Variants in RPS6KC1 observed in about 807,000 individuals in gnomAD.
The protein encoded by RPS6KC1 is ribosomal protein S6 kinase C1.
In RPS6KC1, 54 loss-of-function variants were observed where a neutral mutation model predicts 103.8. That is an observed-to-expected ratio of 0.52 (90% CI 0.42 to 0.65). RPS6KC1 has a LOEUF of 0.65. Ranked by LOEUF, RPS6KC1 falls within the 30% of genes least tolerant of loss-of-function variation. RPS6KC1 has a pLI of 0.00. For missense variants in RPS6KC1, 1,151 were observed against 1,253.8 expected (o/e 0.92, Z 1.24); for synonymous variants, 439 against 438.7 (o/e 1.00, Z -0.01).
At chr1:213,491,669 G>A in the RPS6KC1 span, among the ~76,000 whole-genome samples, 1 of 152,186 alleles carries the variant, frequency 6.6e-6, no homozygotes, top group African/African-American at 2.4e-5. Context: ...CTGTTAGTAG[G>A]GTAAATGCAG....
chr1:213,519,724 A>AT, the RPS6KC1 span, among the ~76,000 whole-genome samples: 3 of 152,120 alleles, frequency 2.0e-5, no homozygotes, highest in South Asian at 2.1e-4. Flanking sequence ...CACAGTCACC[A>AT]TTTTTCAGCA....
At chr1:213,468,123 C>T in the RPS6KC1 span, among the ~76,000 whole-genome samples, 16 of 152,116 alleles carry the variant, frequency 1.1e-4, no homozygotes, top group African/African-American at 2.9e-4. Flanking sequence ...AAAGGCTTTC[C>T]CCTCTGTTGC....
At chr1:213,384,995 G>A in the RPS6KC1 span, among the ~76,000 whole-genome samples, 1 of 152,160 alleles carries the variant, frequency 6.6e-6, no homozygotes, top group Middle Eastern at 3.2e-3. Context: ...TGAATAATGG[G>A]TCCAGATCCC....
the RPS6KC1 span, among the ~76,000 whole-genome samples, chr1:213,582,767 T>C: frequency 6.6e-6 from 1 of 152,210 alleles, no homozygotes; most frequent in Non-Finnish European, 1.5e-5. Flanking sequence ...TTTTACTGAG[T>C]TATAATTTAT....
the RPS6KC1 span, among the ~76,000 whole-genome samples, chr1:213,722,576 C>T: frequency 6.6e-6 from 1 of 152,142 alleles, no homozygotes; most frequent in African/African-American, 2.4e-5. Flanking sequence ...TGTGTTTGTA[C>T]TTGTTTCAAG....
chr1:213,781,421 A>C, the RPS6KC1 span, among the ~76,000 whole-genome samples: 517 of 152,330 alleles, frequency 3.4e-3, 4 homozygotes, highest in African/African-American at 0.012. Flanking sequence ...TCCAGAAGGC[A>C]GGTGTGTGGA....
intron 12 of RPS6KC1, among the ~76,000 whole-genome samples, chr1:213,256,945 G>T (rs1422570159): frequency 6.6e-6 from 1 of 152,164 alleles, no homozygotes; most frequent in Non-Finnish European, 1.5e-5. Flanking sequence ...TATCCCAGGG[G>T]ACCAGTGAAA....
intron 8 of RPS6KC1, among the ~76,000 whole-genome samples, chr1:213,180,050 A>C (rs1210728545): frequency 1.3e-5 from 2 of 152,200 alleles, no homozygotes. Context: ...ATTCAAAGAG[A>C]AGTAAATGAC....
chr1:213,219,203 T>G (rs551811678), intron 8 of RPS6KC1, among the ~76,000 whole-genome samples: 33 of 152,268 alleles, frequency 2.2e-4, no homozygotes, highest in African/African-American at 7.7e-4. Flanking sequence ...GTGAAGGATA[T>G]GAACAGACAC....
chr1:213,202,720 G>T (rs1025808277), intron 8 of RPS6KC1, among the ~76,000 whole-genome samples: 2 of 152,024 alleles, frequency 1.3e-5, no homozygotes, highest in Non-Finnish European at 2.9e-5. Context: ...CTGAGTTAGG[G>T]TCTTATTTTA....
the RPS6KC1 span, among the ~76,000 whole-genome samples, chr1:213,444,981 C>A: frequency 1.3e-5 from 2 of 152,110 alleles, no homozygotes; most frequent in African/African-American, 4.8e-5. Flanking sequence ...AAAAAGAAAC[C>A]CCATGCCACT....
chr1:213,190,932 C>T (rs2148468345), intron 8 of RPS6KC1, among the ~76,000 whole-genome samples: 1 of 152,210 alleles, frequency 6.6e-6, no homozygotes, highest in South Asian at 2.1e-4. Context: ...TTTCTTGGCA[C>T]CTTTTGTCAA....
the RPS6KC1 span, among the ~76,000 whole-genome samples, chr1:213,381,988 T>C: frequency 3.9e-5 from 6 of 152,200 alleles, no homozygotes; most frequent in African/African-American, 1.2e-4. Flanking sequence ...CCAAGGAACC[T>C]TGGACGAGGG....
At chr1:213,242,795 A>G in intron 12 of RPS6KC1, 137 bp downstream of exon 12, 1 of 642,144 alleles carries the variant, frequency 1.6e-6, no homozygotes, top group Non-Finnish European at 2.7e-6. Flanking sequence ...TAACCCTTCA[A>G]AAAAGAAAAT....
chr1:213,617,595 A>G, the RPS6KC1 span, among the ~76,000 whole-genome samples: 1 of 152,242 alleles, frequency 6.6e-6, no homozygotes, highest in Non-Finnish European at 1.5e-5. Context: ...TAGATAATCC[A>G]TGAAAGGAGG....
the RPS6KC1 span, among the ~76,000 whole-genome samples, chr1:213,417,887 A>G: frequency 6.6e-6 from 1 of 152,152 alleles, no homozygotes; most frequent in Admixed American, 6.5e-5. Flanking sequence ...TAACTTTTCC[A>G]TGAGGCAGGT....
At chr1:213,275,646 T>C (rs2095111124), downstream of RPS6KC1, among the ~76,000 whole-genome samples, 1 of 152,208 alleles carries the variant, frequency 6.6e-6, no homozygotes. Flanking sequence ...TTTCTATACA[T>C]GTATACATTG....
chr1:213,364,080 G>C, the RPS6KC1 span, among the ~76,000 whole-genome samples: 3 of 152,010 alleles, frequency 2.0e-5, no homozygotes, highest in African/African-American at 7.3e-5. Context: ...TAGGCTTTGT[G>C]GGCCATACAG....
chr1:213,517,647 A>G, the RPS6KC1 span, among the ~76,000 whole-genome samples: 1 of 152,174 alleles, frequency 6.6e-6, no homozygotes, highest in African/African-American at 2.4e-5. Flanking sequence ...CTTTACTTCC[A>G]ACTATGTGGT....
Sources: gnomAD v4.1 joint callset for allele counts (sites outside exome capture counted in the v4.1 genomes callset) on GRCh38, gnomAD v4.1.1 for gene constraint, MANE v1.5 for transcripts, NCBI Gene and HGNC (gene_info 2026-07-23, HGNC 2026-07-21) for gene names.